The following NSD1 variants were observed in gnomAD, a reference collection of about 807,000 sequenced individuals.
The protein encoded by NSD1 is nuclear receptor binding SET domain protein 1, also known as histone-lysine N-methyltransferase, H3 lysine-36 specific.
A neutral mutation model predicts 242.7 loss-of-function variants in NSD1; 26 were observed. That is an observed-to-expected ratio of 0.11 (90% CI 0.08 to 0.15). The LOEUF (loss-of-function observed/expected upper bound fraction) is 0.15. Ranked by LOEUF, NSD1 falls within the 10% of genes least tolerant of loss-of-function variation. The pLI, the probability that NSD1 is intolerant of heterozygous loss-of-function variation, is 1.00. For missense variants in NSD1, 2,495 were observed against 3,272.8 expected (o/e 0.76, Z 5.80); for synonymous variants, 1,106 against 1,178.1 (o/e 0.94, Z 1.25).
rs1401598998 is a variant in NSD1 at position 177,204,181 on chromosome 5, A to G, written c.1125A>G (p.Arg375=). 6.2e-7 allele frequency: 1 copy of G among 1,614,092 alleles called. No individual in the cohort carries two copies. The highest frequency in any genetic ancestry group is 1.7e-5 in the Admixed American group (1 of 59,990). ...YVEAFGDPSE[R]AWVAGKAIVM... is the part of the protein sequence containing the mutation. ...AGGCTTTTGGAGATCCTTCTGAGAG[A>G]GCCTGGGTGGCTGGAAAAGCAATCG... Residue 375 remains arginine, a synonymous_variant, in exon 4 of 23, where the codon AGA becomes AGG. Transcript: ENST00000439151.
At chr5:177,136,124 T>C in intron 2 of NSD1, 94 bp downstream of exon 2, 2 of 1,120,634 alleles carry the variant, frequency 1.8e-6, no homozygotes, top group East Asian at 2.6e-5. Context: ...TTTTGGTTGC[T>C]TATCAGTTCA....
At chr5:177,146,222 T>C (rs1757230437) in intron 2 of NSD1, among the ~76,000 whole-genome samples, 1 of 150,348 alleles carries the variant, frequency 6.7e-6, no homozygotes, top group African/African-American at 2.5e-5. Context: ...TTTTTTTTTT[T>C]TGAGTCGGAG....
chr5:177,208,937 T>A (rs1393418662), intron 4 of NSD1, among the ~76,000 whole-genome samples: 1 of 151,896 alleles, frequency 6.6e-6, no homozygotes, highest in Non-Finnish European at 1.5e-5. Flanking sequence ...CTGAGGTGAT[T>A]CGTCCTCCTC....
intron 2 of NSD1, among the ~76,000 whole-genome samples, chr5:177,177,605 A>G (rs1562159873): frequency 6.6e-6 from 1 of 152,036 alleles, no homozygotes; most frequent in Non-Finnish European, 1.5e-5. Context: ...AGCGATGACC[A>G]TGCCACTGCA....
At chr5:177,271,057 G>C (rs1192366982) in intron 16 of NSD1, among the ~76,000 whole-genome samples, 1 of 152,110 alleles carries the variant, frequency 6.6e-6, no homozygotes, top group Non-Finnish European at 1.5e-5. Context: ...GGAGTATAAG[G>C]AATACCGCAG....
intron 2 of NSD1, among the ~76,000 whole-genome samples, chr5:177,143,735 C>T (rs954752603): frequency 6.6e-5 from 10 of 151,630 alleles, no homozygotes; most frequent in African/African-American, 9.7e-5. Context: ...TTCTAAATTA[C>T]GGCTAGTACC....
chr5:177,280,511 G>A, intron 17 of NSD1, 54 bp from the exon 18 acceptor site: 1 of 1,613,026 alleles, frequency 6.2e-7, no homozygotes, highest in South Asian at 1.1e-5. Context: ...TTCAGGACGT[G>A]AATTGTCTTC....
At chr5:177,164,346 A>G (rs540533954) in intron 2 of NSD1, among the ~76,000 whole-genome samples, 14 of 151,744 alleles carry the variant, frequency 9.2e-5, no homozygotes, top group Non-Finnish European at 2.1e-4. Context: ...TAGTAGAGAC[A>G]GGGTTTCACC....
intron 2 of NSD1, among the ~76,000 whole-genome samples, chr5:177,173,950 A>C (rs1004459628): frequency 6.6e-6 from 1 of 152,264 alleles, no homozygotes; most frequent in African/African-American, 2.4e-5. Flanking sequence ...GTAATTTGGT[A>C]GTTAAATGAA....
chr5:177,175,780 T>C (rs1433633892), intron 2 of NSD1, among the ~76,000 whole-genome samples: 1 of 152,188 alleles, frequency 6.6e-6, no homozygotes, highest in African/African-American at 2.4e-5. Flanking sequence ...GTAGTTTTAT[T>C]AATAAAATAC....
At chr5:177,169,349 G>A (rs1264451243) in intron 2 of NSD1, 2 of 155,314 alleles carry the variant, frequency 1.3e-5, no homozygotes, top group Non-Finnish European at 2.9e-5. Context: ...CACTTATTGA[G>A]CTTTTTCACT....
chr5:177,143,385 G>A (rs1756978589), intron 2 of NSD1, among the ~76,000 whole-genome samples: 1 of 151,810 alleles, frequency 6.6e-6, no homozygotes, highest in African/African-American at 2.4e-5. Flanking sequence ...GCAGTGGTGC[G>A]ATCTTGGCTC....
chr5:177,258,212 T>C (rs1756688645), intron 13 of NSD1, among the ~76,000 whole-genome samples: 1 of 150,656 alleles, frequency 6.6e-6, no homozygotes, highest in Non-Finnish European at 1.5e-5. Flanking sequence ...ACTCCCGACC[T>C]CAGGTGATCT....
At chr5:177,185,356 G>T (rs768615238) in intron 2 of NSD1, among the ~76,000 whole-genome samples, 1 of 151,862 alleles carries the variant, frequency 6.6e-6, no homozygotes, top group Non-Finnish European at 1.5e-5. Flanking sequence ...CCCAGCACTT[G>T]GGAGGCGGAG....
chr5:177,293,784 T>G, intron 22 of NSD1, 48 bp from the exon 23 acceptor site: 1 of 1,600,690 alleles, frequency 6.2e-7, no homozygotes, highest in Non-Finnish European at 8.6e-7. Context: ...GCCCATGTGA[T>G]ATGTATCTCT....
intron 4 of NSD1, among the ~76,000 whole-genome samples, chr5:177,204,893 CAGT>C (rs1311734088): frequency 6.6e-6 from 1 of 151,992 alleles, no homozygotes; most frequent in East Asian, 1.9e-4. Context: ...CTGTGTCACT[CAGT>C]AGTGAAAATT....
rs563781803 is a variant in NSD1 at position 177,203,676 on chromosome 5, TTTC to T, written c.1064-435_1064-433del. On this transcript the variant is annotated intron_variant, in intron 3 of 22. Coordinates refer to ENST00000439151, the MANE Select transcript of NSD1 (RefSeq NM_022455.5). ...TCATACATGTTGCTTTGCTGAAACATTTCTTCTTCTTTATATTAGCCTAGTGTT... is the reference window on the plus strand; with the variant it reads ...TCATACATGTTGCTTTGCTGAAACATTTCTTCTTTATATTAGCCTAGTGTT... Among the ~76,000 whole-genome samples the T allele has an allele frequency of 1.6e-3, 246 of 152,174 alleles. 2 individuals carry two copies. Among genetic ancestry groups the T allele is most frequent in the Non-Finnish European group, 2.9e-3 (195 of 68,004 alleles).
At chr5:177,247,872 G>C in intron 10 of NSD1, 1 of 967,140 alleles carries the variant, frequency 1.0e-6, no homozygotes. Flanking sequence ...CACTGATCTT[G>C]GAAGGACAAA....
chr5:177,196,717 G>C (rs190576218), intron 3 of NSD1, among the ~76,000 whole-genome samples: 1 of 152,174 alleles, frequency 6.6e-6, no homozygotes, highest in African/African-American at 2.4e-5. Flanking sequence ...GATACTATGA[G>C]ACAAAAGGTA....
Sources: allele counts gnomAD v4.1 joint callset (sites outside exome capture counted in the v4.1 genomes callset), GRCh38; gene constraint gnomAD v4.1.1; transcripts MANE v1.5; gene names NCBI Gene and HGNC (gene_info 2026-07-23, HGNC 2026-07-21).